CTSE: variants seen among roughly 807,000 people sequenced by gnomAD.
The protein encoded by CTSE is cathepsin E.
CTSE carries 43 observed loss-of-function variants against 42.8 expected under a neutral mutation model. The ratio of observed to expected loss-of-function variants is 1.01; its 90% CI spans 0.79 to 1.30. CTSE has a LOEUF of 1.30. CTSE is among the 50% of genes most tolerant of loss of function. The probability of loss-of-function intolerance (pLI) is 0.00; values close to 1 mark genes in which losing one functional copy is unlikely to be tolerated. For missense variants in CTSE, 532 were observed against 493.5 expected, an observed-to-expected ratio of 1.08 and a Z score of -0.74; for synonymous variants, 205 against 191.5, an observed-to-expected ratio of 1.07 and a Z score of -0.58.
chr1:206,016,338 C>T (rs114279151), intron 4 of CTSE, among the ~76,000 whole-genome samples: 2,134 of 152,158 alleles, frequency 0.014, 49 homozygotes, highest in African/African-American at 0.049. Context: ...CCAATCATTG[C>T]GCCCCTCCTC....
chr1:206,016,548 G>A, intron 4 of CTSE, among the ~76,000 whole-genome samples: 1 of 151,998 alleles, frequency 6.6e-6, no homozygotes, highest in South Asian at 2.1e-4. Flanking sequence ...ATTTTCTCAT[G>A]TTTTCTTCTA....
chr1:206,013,091 T>A (rs1367647757), intron 6 of CTSE, among the ~76,000 whole-genome samples: 1 of 145,228 alleles, frequency 6.9e-6, no homozygotes, highest in East Asian at 1.9e-4. Flanking sequence ...AGGCCTTTTA[T>A]TTTTTGCATT....
At chr1:206,022,545 G>C (rs1175361987) in intron 2 of CTSE, among the ~76,000 whole-genome samples, 2 of 152,098 alleles carry the variant, frequency 1.3e-5, no homozygotes, top group East Asian at 3.8e-4. Context: ...GGCAGTGGAG[G>C]AAGAACCATC....
In CTSE at chr1:206,012,538, GT is replaced by G; in HGVS notation, c.896del (p.Asn299ThrfsTer113). 8 of 1,613,960 alleles carry G rather than the reference GT, an allele frequency of 5.0e-6. No individual in the cohort carries two copies. The highest frequency in any genetic ancestry group is 1.3e-5 in the African/African-American group (1 of 75,028). On this transcript the variant is annotated frameshift_variant, in exon 7 of 9. Coordinates refer to ENST00000358184, the MANE Select transcript of CTSE (RefSeq NM_001910.4). LOFTEE classifies it high-confidence loss of function. The stretch of plus-strand genomic sequence containing the variant: ...CATCCACGGGGGCTGCCCCAATGGC[GT>G]TTTGCAGCTGCTTAATCTTGTCGGA... Reference protein sequence around the residue: ...GPSDKIKQLQNAIGAAPVDGE... With the variant: ...GPSDKIKQLQXAIGAAPVDGE...
chr1:206,023,749 C>G lies in CTSE; in HGVS notation c.43G>C (p.Gly15Arg). The G allele has an allele frequency of 6.2e-7, 1 of 1,613,790 alleles. No individual in the cohort carries two copies. ...LLLLLVLLEL[G>R]EAQGSLHRVP... is the part of the protein sequence containing the mutation. Reference sequence around the variant, plus strand: ...CTGTGAAGGGATCCTTGGGCCTCTCCCAGCTCCAGGAGCACCAGCAGCAAA... The same window carrying G: ...CTGTGAAGGGATCCTTGGGCCTCTCGCAGCTCCAGGAGCACCAGCAGCAAA... The change falls in exon 1 of 9, where the codon GGA becomes CGA. Residue 15 changes from glycine (G) to arginine (R), a missense_variant. Physicochemically the swap from Gly to Arg is moderately radical, Grantham distance 125 (BLOSUM62 -2). Coordinates refer to ENST00000358184, the MANE Select transcript of CTSE (RefSeq NM_001910.4).
rs1457694134 is a variant in CTSE, at chr1:206,009,477, T to C, written c.*706A>G. The C allele has an allele frequency of 6.6e-6, 1 of 152,072 alleles. No homozygotes were observed. Among genetic ancestry groups the C allele is most frequent in the East Asian group, 1.9e-4 (1 of 5,196 alleles). 9.4% of individuals were successfully genotyped at this position (152,072 alleles called of 1,614,324 possible). A position where few individuals can be genotyped will look rare whatever the true frequency, so the allele number is the denominator to read the frequency against. Reference sequence around the variant, plus strand: ...TAGGAAAGATAAGTTCAGAGAACCATGTCAAATGACACCTCGGGATTTCAA... The same window carrying C: ...TAGGAAAGATAAGTTCAGAGAACCACGTCAAATGACACCTCGGGATTTCAA... On this transcript the variant is annotated 3_prime_UTR_variant, in exon 9 of 9. Coordinates refer to ENST00000358184, the MANE Select transcript of CTSE (RefSeq NM_001910.4).
At chr1:206,010,516 C>A (rs1054871144) in intron 8 of CTSE, among the ~76,000 whole-genome samples, 169 bp from the exon 9 acceptor site, 1 of 151,986 alleles carries the variant, frequency 6.6e-6, no homozygotes, top group African/African-American at 2.4e-5. Flanking sequence ...ATGTCCCTAC[C>A]CTAGGTTGCT....
At chr1:206,016,199 C>T (rs1054803510) in intron 4 of CTSE, 69 bp from the exon 5 acceptor site, 2 of 1,424,650 alleles carry the variant, frequency 1.4e-6, no homozygotes, top group Admixed American at 1.7e-5. Context: ...GGTTTGACTC[C>T]TGGATTTTCC....
Position 206,012,527 on chromosome 1 carries a change from GCC to G in CTSE, c.906_907del (p.Ala303SerfsTer15), listed in dbSNP as rs1553277165. ...ACTCACTTCTCCATCCACGGGGGCT[GCC>G]CCAATGGCGTTTTGCAGCTGCTTAA... is the stretch of plus-strand genomic sequence containing the variant. On this transcript the variant is annotated frameshift_variant, in exon 7 of 9. Coordinates refer to ENST00000358184, the MANE Select transcript of CTSE (RefSeq NM_001910.4). LOFTEE classifies it high-confidence loss of function. 2.5e-6 allele frequency: 4 copies of G among 1,613,880 alleles called. No homozygotes were observed. In the African/African-American group the frequency reaches 5.3e-5, roughly 22 times the overall value.
intron 6 of CTSE, among the ~76,000 whole-genome samples, chr1:206,013,225 C>G (rs1198909585): frequency 6.6e-6 from 1 of 152,030 alleles, no homozygotes; most frequent in African/African-American, 2.4e-5. Flanking sequence ...TCCCACTTCC[C>G]CAATTGCTTC....
chr1:206,020,506 C>T (rs1016880648), intron 4 of CTSE, among the ~76,000 whole-genome samples: 1 of 152,014 alleles, frequency 6.6e-6, no homozygotes, highest in Non-Finnish European at 1.5e-5. Flanking sequence ...TGTCTGATTC[C>T]CATAGTTCTA....
Position 206,012,508 on chromosome 1 carries a change from T to A in CTSE, c.927A>T (p.Glu309Asp). The A allele has an allele frequency of 6.2e-7, 1 of 1,614,006 alleles. No homozygotes were observed. Among genetic ancestry groups the A allele is most frequent in the Non-Finnish European group, 8.5e-7 (1 of 1,179,932 alleles). The change falls in exon 7 of 9, where the codon GAA (glutamate) becomes GAT (aspartate). Residue 309 changes from glutamate to aspartate, a missense_variant and splice_region_variant. Glu to Asp is a conservative substitution (Grantham distance 45, BLOSUM62 2). Transcript: ENST00000358184. ...NAIGAAPVDG[E>D]YAVECANLNV... is the part of the protein sequence containing the mutation. ...CTCCCTTGCGCAGGCAGGCACTCACTTCTCCATCCACGGGGGCTGCCCCAA... is the reference window on the plus strand; with the variant it reads ...CTCCCTTGCGCAGGCAGGCACTCACATCTCCATCCACGGGGGCTGCCCCAA...
chr1:206,014,558 G>A (rs1436241772), intron 5 of CTSE, among the ~76,000 whole-genome samples: 2 of 152,030 alleles, frequency 1.3e-5, no homozygotes, highest in African/African-American at 4.8e-5. Flanking sequence ...TTTTACAGAG[G>A]GAGTGGGGAA....
chr1:206,011,808 C>G (rs1253079621), intron 8 of CTSE, among the ~76,000 whole-genome samples: 3 of 151,954 alleles, frequency 2.0e-5, no homozygotes, highest in African/African-American at 7.3e-5. Context: ...TCTACTTCAC[C>G]CTACAAACTT....
chr1:206,011,046 T>A (rs1661081226), intron 8 of CTSE, among the ~76,000 whole-genome samples: 1 of 151,946 alleles, frequency 6.6e-6, no homozygotes. Context: ...AAAGTCAAAA[T>A]TTTTACAGCA....
At chr1:206,018,616 T>G (rs28802578) in intron 4 of CTSE, among the ~76,000 whole-genome samples, 2 of 151,958 alleles carry the variant, frequency 1.3e-5, no homozygotes, top group East Asian at 3.8e-4. Flanking sequence ...TTTCTATTTT[T>G]TGTTTTTGCA....
chr1:206,015,678 A>G (rs1273814567), intron 5 of CTSE, among the ~76,000 whole-genome samples: 1 of 152,084 alleles, frequency 6.6e-6, no homozygotes, highest in Non-Finnish European at 1.5e-5. Context: ...GACAGCATCA[A>G]TGAAGAACCA....
chr1:206,017,541 G>A (rs1274442803), intron 4 of CTSE, among the ~76,000 whole-genome samples: 4 of 152,060 alleles, frequency 2.6e-5, no homozygotes, highest in African/African-American at 4.8e-5. Context: ...TCAGGCTGGA[G>A]TGCCATGGCA....
At position 206,021,120 on chromosome 1, in the gene CTSE, G is replaced by T. The variant is rs1374714898; in HGVS notation, c.391C>A (p.Pro131Thr). The change falls in exon 4 of 9, where the codon CCA (proline) becomes ACA (threonine). Residue 131 changes from proline (P) to threonine (T), a missense_variant. Physicochemically the swap from Pro to Thr is conservative, Grantham distance 38. Coordinates refer to ENST00000358184, the MANE Select transcript of CTSE (RefSeq NM_001910.4). ...QPSQSSTYSQ[P>T]GQSFSIQYGT... ...TACTGAATGGAGAAAGATTGACCTG[G>T]CTGGCTGTATGTGCTGGACTGGGAA... 6.2e-7 allele frequency: 1 copy of T among 1,613,612 alleles called. No homozygotes were observed. The highest frequency in any genetic ancestry group is 1.7e-5 in the Admixed American group (1 of 59,990).
Sources: gnomAD v4.1 joint callset for allele counts (sites outside exome capture counted in the v4.1 genomes callset) on GRCh38, gnomAD v4.1.1 for gene constraint, MANE v1.5 for transcripts, NCBI Gene and HGNC (gene_info 2026-07-23, HGNC 2026-07-21) for gene names.